The following COL5A1 variants were observed in gnomAD, a reference collection of about 807,000 sequenced individuals.
COL5A1 encodes collagen alpha-1(V) chain.
COL5A1 carries 16 observed loss-of-function variants against 263.7 expected under a neutral mutation model. That is an observed-to-expected ratio of 0.06 (90% CI 0.04 to 0.09). The LOEUF is 0.09. Ranked by LOEUF, COL5A1 falls within the 10% of genes least tolerant of loss-of-function variation. The pLI is 1.00. For synonymous variants in COL5A1, 1,012 were observed against 1,004.5 expected (o/e 1.01, Z -0.14); for missense variants, 2,036 against 2,540.5 (o/e 0.80, Z 4.27).
intron 32 of COL5A1, among the ~76,000 whole-genome samples, chr9:134,790,597 T>TCCACCCAC (rs1176568360): frequency 1.5e-5 from 1 of 65,684 alleles, no homozygotes; most frequent in African/African-American, 7.2e-5. Context: ...CATCTATCCA[T>TCCACCCAC]CCACCCACCC....
chr9:134,727,917 G>T (rs1276262817), intron 5 of COL5A1, among the ~76,000 whole-genome samples: 2 of 152,108 alleles, frequency 1.3e-5, no homozygotes, highest in African/African-American at 4.8e-5. Flanking sequence ...TCCCCCTCCC[G>T]CTGCACACCC....
At position 134,810,372 on chromosome 9, in the gene COL5A1, A is replaced by C; in HGVS notation, c.3528+64A>C. ...CCCGGGGGGCCTCGTCGCAGGCTGT[A>C]GGCCGTGTGCCATGCACGTTCTCTT... On this transcript the variant is annotated intron_variant, in intron 44 of 65. Transcript: ENST00000371817. 4.0e-6 allele frequency: 6 copies of C among 1,500,294 alleles called. No homozygotes were observed. The South Asian group carries it at 6.8e-5, about 17-fold the overall frequency. The allele number at this position is 1,500,294 out of a possible 1,614,324, so 92.9% of individuals were successfully genotyped here.
At chr9:134,795,403 CT>C in intron 34 of COL5A1, 88 bp downstream of exon 34, 9 of 1,079,944 alleles carry the variant, frequency 8.3e-6, no homozygotes, top group South Asian at 1.5e-5. Flanking sequence ...TGTCTGTGAC[CT>C]TTTTTATTAA....
chr9:134,840,394 T>G (rs7049039), intron 65 of COL5A1, among the ~76,000 whole-genome samples: 19,011 of 152,188 alleles, frequency 0.12, 2,940 homozygotes, highest in African/African-American at 0.37. Context: ...GGAGGTGAGC[T>G]TCATTCCTTC....
chr9:134,744,273 GCA>G lies in COL5A1; in HGVS notation c.1494+5471_1494+5472del, dbSNP rs547488633. Among the ~76,000 whole-genome samples, 374 of 152,200 alleles carry G rather than the reference GCA, an allele frequency of 2.5e-3. 2 individuals carry two copies. Among genetic ancestry groups the G allele is most frequent in the African/African-American group, 8.7e-3 (363 of 41,522 alleles). ...CAGAGAGGTTCACACACACACTCAA[GCA>G]CACACGCTTGCACACTCACCCACAC... On this transcript the variant is annotated intron_variant, in intron 11 of 65. Transcript: ENST00000371817.
At chr9:134,733,412 G>A (rs1834976938) in intron 9 of COL5A1, among the ~76,000 whole-genome samples, 4 of 152,192 alleles carry the variant, frequency 2.6e-5, no homozygotes, top group Non-Finnish European at 5.9e-5. Flanking sequence ...CTCTTGTGGG[G>A]CTCTATGCCC....
At chr9:134,693,187 G>A (rs1833343465) in intron 2 of COL5A1, among the ~76,000 whole-genome samples, 1 of 152,194 alleles carries the variant, frequency 6.6e-6, no homozygotes, top group African/African-American at 2.4e-5. Flanking sequence ...CTTATCTACA[G>A]ATCAGTTGGT....
intron 61 of COL5A1, among the ~76,000 whole-genome samples, chr9:134,823,969 T>C (rs989577263): frequency 9.9e-4 from 151 of 152,150 alleles, no homozygotes; most frequent in African/African-American, 3.4e-3. Context: ...TGGCCGTGTG[T>C]GTGTGCATAT....
At position 134,757,604 on chromosome 9, in the gene COL5A1, G is replaced by C. The variant is rs148596833; in HGVS notation, c.1882-639G>C. On this transcript the variant is annotated intron_variant, in intron 17 of 65. Coordinates refer to ENST00000371817, the MANE Select transcript of COL5A1 (RefSeq NM_000093.5). The surrounding 1 kb of genome is among the most constrained non-coding windows in gnomAD (Gnocchi z 6.2). ...GTGGCCTGGGGTGACAGGAGGAAAC[G>C]CAGTCTTGTTGACTCTGTCTCAGAA... 3.9e-5 allele frequency among the ~76,000 whole-genome samples: 6 copies of C among 152,252 alleles called. No individual in the cohort carries two copies. The highest frequency in any genetic ancestry group is 3.9e-4 in the Admixed American group (6 of 15,300).
intron 52 of COL5A1, 128 bp downstream of exon 52, chr9:134,816,116 T>A: frequency 1.2e-6 from 1 of 852,464 alleles, no homozygotes; most frequent in Non-Finnish European, 2.0e-6. Context: ...ATGATATCGA[T>A]TCCCTTATGA....
intron 63 of COL5A1, among the ~76,000 whole-genome samples, chr9:134,826,387 G>A (rs1477017955): frequency 2.0e-5 from 3 of 152,236 alleles, no homozygotes; most frequent in Non-Finnish European, 4.4e-5. Context: ...AGTCTGTTTA[G>A]TGAAGAATTC....
In COL5A1 at chr9:134,822,859, C is replaced by A. The variant is rs1001641990; in HGVS notation, c.4609-139C>A. ...CGACCCTCCTCCCACTCTAGCCGGG[C>A]AAATACAAGCATAGACTCTTGAGGG... is the stretch of plus-strand genomic sequence containing the variant. On this transcript the variant is annotated intron_variant, in intron 59 of 65. Transcript: ENST00000371817. The A allele has an allele frequency of 9.1e-6, 9 of 991,734 alleles. No individual in the cohort carries two copies. In the East Asian group the frequency reaches 1.8e-4, roughly 20 times the overall value. The allele number at this position is 991,734 out of a possible 1,614,324, so 61.4% of individuals were successfully genotyped here. A position where few individuals can be genotyped will look rare whatever the true frequency, so the allele number is the denominator to read the frequency against.
chr9:134,715,333 T>C (rs377418985), intron 4 of COL5A1, among the ~76,000 whole-genome samples: 1 of 152,138 alleles, frequency 6.6e-6, no homozygotes, highest in East Asian at 1.9e-4. Flanking sequence ...TTCCTCTATC[T>C]CAGTAGATGG....
At chr9:134,776,747 T>G (rs1201781111) in intron 27 of COL5A1, among the ~76,000 whole-genome samples, 1 of 152,182 alleles carries the variant, frequency 6.6e-6, no homozygotes. Context: ...GACCCTAAAA[T>G]GGGTGGCTTG....
At chr9:134,654,369 GGCTGGGGTGTATAGT>G (rs1358821935) in intron 1 of COL5A1, among the ~76,000 whole-genome samples, 1 of 136,218 alleles carries the variant, frequency 7.3e-6, no homozygotes. Context: ...GAGTGTGTAG[GGCTGGGGTGTATAGT>G]GCTGAGAGTG....
At chr9:134,726,356 A>G (rs1247808471) in intron 4 of COL5A1, among the ~76,000 whole-genome samples, 1 of 151,630 alleles carries the variant, frequency 6.6e-6, no homozygotes, top group Non-Finnish European at 1.5e-5. Flanking sequence ...GGATGGAAGG[A>G]TGTATGTATC....
chr9:134,699,812 T>G (rs902899069), intron 2 of COL5A1, 97 bp from the exon 3 acceptor site: 1 of 1,214,254 alleles, frequency 8.2e-7, no homozygotes, highest in African/African-American at 1.5e-5. Flanking sequence ...CAGCACAGCT[T>G]CCCAGGGTCC....
At chr9:134,756,010 C>T (rs563103685) in intron 16 of COL5A1, among the ~76,000 whole-genome samples, 18 of 152,042 alleles carry the variant, frequency 1.2e-4, no homozygotes, top group Admixed American at 3.3e-4. Context: ...TGGCAGCCCT[C>T]TGTTCTCGCT....
At chr9:134,764,713 C>G (rs992459829) in intron 20 of COL5A1, among the ~76,000 whole-genome samples, 1 of 152,054 alleles carries the variant, frequency 6.6e-6, no homozygotes, top group Admixed American at 6.5e-5. Flanking sequence ...AGGCAGGGGT[C>G]GGTGCCTGCA....
Sources: allele counts gnomAD v4.1 joint callset (sites outside exome capture counted in the v4.1 genomes callset), GRCh38; gene constraint gnomAD v4.1.1; non-coding constraint Gnocchi (gnomAD v3.1); transcripts MANE v1.5; gene names NCBI Gene and HGNC (gene_info 2026-07-23, HGNC 2026-07-21).